NPRL3: variants seen among roughly 807,000 people sequenced by gnomAD.
NPRL3 encodes GATOR1 complex protein NPRL3.
In NPRL3, 23 loss-of-function variants were observed where a neutral mutation model predicts 57.2. That is an observed-to-expected ratio of 0.40 (90% confidence interval 0.29 to 0.57). NPRL3 has a LOEUF of 0.57. Ranked by LOEUF, NPRL3 falls within the 20% of genes least tolerant of loss-of-function variation. NPRL3 has a pLI of 0.42. For synonymous variants in NPRL3, 333 were observed against 321.1 expected (o/e 1.04, Z -0.39); for missense variants, 691 against 767.1 (o/e 0.90, Z 1.17).
intron 11 of NPRL3, 118 bp downstream of exon 11, chr16:92,478 A>T (rs1898801811): frequency 7.5e-7 from 1 of 1,328,522 alleles, no homozygotes; most frequent in Admixed American, 2.1e-5. Flanking sequence ...AGCCCCCAAA[A>T]CCAAGGAGAA....
intron 2 of NPRL3, among the ~76,000 whole-genome samples, chr16:137,484 G>A (rs1378027597): frequency 6.6e-6 from 1 of 152,088 alleles, no homozygotes; most frequent in Non-Finnish European, 1.5e-5. Context: ...CTCCCAACAC[G>A]GCCAGGGGTG....
At chr16:132,632 C>T (rs1037161442) in intron 2 of NPRL3, among the ~76,000 whole-genome samples, 1 of 151,394 alleles carries the variant, frequency 6.6e-6, no homozygotes, top group African/African-American at 2.4e-5. Flanking sequence ...CAAGGAATCA[C>T]TATCTATGGC....
chr16:85,651 G>A lies in NPRL3; in HGVS notation c.*1054C>T, dbSNP rs769489753. 20 of 1,590,294 alleles carry A rather than the reference G, an allele frequency of 1.3e-5. No homozygotes were observed. Among genetic ancestry groups the A allele is most frequent in the Non-Finnish European group, 1.5e-5 (18 of 1,164,034 alleles). ...TGGAGCCCAGTGAGCCGGCTGTAGT[G>A]GCAGCAGCCCGGGTGGGCGTCGGCC... On this transcript the variant is annotated 3_prime_UTR_variant, in exon 14 of 14. Coordinates refer to ENST00000611875, the MANE Select transcript of NPRL3 (RefSeq NM_001077350.3).
chr16:97,125 C>T (rs547182790), intron 9 of NPRL3, among the ~76,000 whole-genome samples: 2 of 152,368 alleles, frequency 1.3e-5, no homozygotes, highest in African/African-American at 4.8e-5. Context: ...CAGGCACCAC[C>T]TGCTCCCACC....
intron 6 of NPRL3, among the ~76,000 whole-genome samples, chr16:111,674 A>G (rs1899822081): frequency 6.6e-6 from 1 of 151,898 alleles, no homozygotes; most frequent in African/African-American, 2.4e-5. Context: ...ACTGATCCTG[A>G]ATTCCCGAGC....
chr16:119,110 C>A lies in NPRL3; in HGVS notation c.318+16G>T, dbSNP rs747702786. The stretch of plus-strand genomic sequence containing the variant: ...TCTGCCCAGGGAGAGCCCCACCTGC[C>A]CAGGGAGAGCCATACCTGCCCCAGA... On this transcript the variant is annotated intron_variant, in intron 4 of 13. Coordinates refer to ENST00000611875, the MANE Select transcript of NPRL3 (RefSeq NM_001077350.3). The A allele has an allele frequency of 2.5e-6, 4 of 1,612,408 alleles. No homozygotes were observed. Among genetic ancestry groups the A allele is most frequent in the Non-Finnish European group, 2.5e-6 (3 of 1,178,988 alleles).
At chr16:112,835 G>T in intron 5 of NPRL3, 60 bp from the exon 6 acceptor site, 2 of 1,437,470 alleles carry the variant, frequency 1.4e-6, no homozygotes, top group Non-Finnish European at 9.3e-7. Flanking sequence ...GCTGGACACA[G>T]TTTAAATGGA....
intron 2 of NPRL3, among the ~76,000 whole-genome samples, chr16:133,350 G>A (rs1006933980): frequency 1.3e-5 from 2 of 152,012 alleles, no homozygotes; most frequent in Admixed American, 6.6e-5. Flanking sequence ...TCAGCCTCCC[G>A]AGTAGCTGGG....
chr16:99,273 T>A (rs538783299), intron 8 of NPRL3, among the ~76,000 whole-genome samples: 1 of 152,290 alleles, frequency 6.6e-6, no homozygotes, highest in African/African-American at 2.4e-5. Flanking sequence ...ATTTTTATAA[T>A]TAAAAAATGT....
chr16:127,621 C>T (rs1041475112), intron 3 of NPRL3, among the ~76,000 whole-genome samples: 11 of 151,986 alleles, frequency 7.2e-5, no homozygotes, highest in Non-Finnish European at 1.3e-4. Context: ...ACATTGAGCA[C>T]CTGAAATGTG....
intron 7 of NPRL3, among the ~76,000 whole-genome samples, chr16:108,906 G>A (rs895608870): frequency 2.0e-5 from 3 of 151,640 alleles, no homozygotes; most frequent in East Asian, 1.9e-4. Flanking sequence ...TCCTGACCTC[G>A]TGCTCCACCC....
At chr16:111,327 G>A (rs1347564266) in intron 6 of NPRL3, among the ~76,000 whole-genome samples, 3 of 152,212 alleles carry the variant, frequency 2.0e-5, no homozygotes, top group Non-Finnish European at 2.9e-5. Context: ...GTGAACCCAG[G>A]AGATGGAGCT....
In NPRL3 at chr16:98,404, CTGCACCAGGTATGCACCGGGTA is replaced by C. The variant is rs912136100; in HGVS notation, c.768-125_768-104del. 1.1e-4 allele frequency: 138 copies of C among 1,297,918 alleles called. 3 individuals are homozygous for C. The highest frequency in any genetic ancestry group is 1.2e-4 in the Non-Finnish European group (114 of 946,718). 80.4% of individuals were successfully genotyped at this position (1,297,918 alleles called of 1,614,324 possible). A position where few individuals can be genotyped will look rare whatever the true frequency, so the allele number is the denominator to read the frequency against. ...GTATGCACCGGGTATGCACCAGGTC[CTGCACCAGGTATGCACCGGGTA>C]TGCACCAGGTATGCACCTGGGACTC... On this transcript the variant is annotated intron_variant, in intron 8 of 13. Transcript: ENST00000611875.
At chr16:88,942 G>A in intron 12 of NPRL3, 52 bp from the exon 13 acceptor site, 1 of 1,542,538 alleles carries the variant, frequency 6.5e-7, no homozygotes, top group South Asian at 1.2e-5. Flanking sequence ...GACACCCAGG[G>A]GAACAGCGAG....
chr16:116,794 C>CCA (rs1900054677), intron 5 of NPRL3, among the ~76,000 whole-genome samples: 2 of 143,866 alleles, frequency 1.4e-5, no homozygotes, highest in Admixed American at 6.9e-5. Context: ...GAGACCCCCC[C>CCA]CCCCCACCGA....
intron 7 of NPRL3, among the ~76,000 whole-genome samples, chr16:101,992 C>A (rs533628040): frequency 6.6e-6 from 1 of 152,226 alleles, no homozygotes; most frequent in East Asian, 1.9e-4. Context: ...CTGCTCTCTA[C>A]ACATTGTAAA....
At chr16:113,097 G>A (rs1006628607) in intron 5 of NPRL3, among the ~76,000 whole-genome samples, 1 of 151,966 alleles carries the variant, frequency 6.6e-6, no homozygotes, top group Non-Finnish European at 1.5e-5. Context: ...AACAACAATG[G>A]TGCCTCCCTC....
chr16:137,926 TAA>T (rs1341441988), intron 2 of NPRL3, among the ~76,000 whole-genome samples: 2 of 152,128 alleles, frequency 1.3e-5, no homozygotes, highest in Admixed American at 6.6e-5. Flanking sequence ...CTTTATTTTT[TAA>T]AGGCTGGAGA....
intron 7 of NPRL3, among the ~76,000 whole-genome samples, chr16:101,646 C>A (rs1899303979): frequency 1.3e-5 from 2 of 152,204 alleles, no homozygotes; most frequent in Admixed American, 1.3e-4. Flanking sequence ...CCCAAGCCAC[C>A]CAGAGCACTG....
Sources: allele counts gnomAD v4.1 joint callset (sites outside exome capture counted in the v4.1 genomes callset), GRCh38; gene constraint gnomAD v4.1.1; transcripts MANE v1.5; gene names NCBI Gene and HGNC (gene_info 2026-07-23, HGNC 2026-07-21).